The following NKAIN2 variants were observed in gnomAD, a reference collection of about 807,000 sequenced individuals.
The protein encoded by NKAIN2 is sodium/potassium-transporting ATPase subunit beta-1-interacting protein 2.
In NKAIN2, 14 loss-of-function variants were observed where a neutral mutation model predicts 32.6. The observed-to-expected ratio is 0.43, with a 90% CI of 0.28 to 0.67. NKAIN2 has a LOEUF of 0.67. Ranked by LOEUF, NKAIN2 falls within the 30% of genes least tolerant of loss-of-function variation. NKAIN2 has a pLI of 0.17. For synonymous variants in NKAIN2, 80 were observed against 87.2 expected, an observed-to-expected ratio of 0.92 and a Z score of 0.46; for missense variants, 198 against 258.3, an observed-to-expected ratio of 0.77 and a Z score of 1.60.
intron 3 of NKAIN2, among the ~76,000 whole-genome samples, chr6:124,574,738 A>G (rs890904701): frequency 1.3e-5 from 2 of 152,224 alleles, no homozygotes; most frequent in Non-Finnish European, 2.9e-5. Context: ...TGCAAGTGCC[A>G]TCTTGGGCTA....
intron 1 of NKAIN2, among the ~76,000 whole-genome samples, chr6:123,823,679 G>A (rs1774019429): frequency 6.6e-6 from 1 of 152,128 alleles, no homozygotes; most frequent in African/African-American, 2.4e-5. Context: ...CCACTCAGGG[G>A]ATTTGAAGAG....
intron 4 of NKAIN2, among the ~76,000 whole-genome samples, chr6:124,701,049 T>C (rs1774755547): frequency 1.3e-5 from 2 of 151,498 alleles, no homozygotes; most frequent in Admixed American, 6.6e-5. Context: ...AAAACTAAGC[T>C]TATTATAAAA....
chr6:123,986,532 G>T (rs1394127569), intron 1 of NKAIN2, among the ~76,000 whole-genome samples: 1 of 152,028 alleles, frequency 6.6e-6, no homozygotes, highest in East Asian at 1.9e-4. Context: ...TCCTTCCAAA[G>T]GTATGAGCCG....
chr6:124,128,018 G>A (rs1786269866), intron 1 of NKAIN2, among the ~76,000 whole-genome samples: 1 of 152,074 alleles, frequency 6.6e-6, no homozygotes, highest in Non-Finnish European at 1.5e-5. Context: ...TTGTAGAGAT[G>A]GGGCTTCACC....
At chr6:124,049,152 A>G (rs1782281704) in intron 1 of NKAIN2, among the ~76,000 whole-genome samples, 1 of 152,100 alleles carries the variant, frequency 6.6e-6, no homozygotes, top group Non-Finnish European at 1.5e-5. Context: ...GGAAATTCCA[A>G]TATTTAAAAT....
chr6:124,226,561 C>A (rs1340193367), intron 1 of NKAIN2, among the ~76,000 whole-genome samples: 1 of 151,976 alleles, frequency 6.6e-6, no homozygotes, highest in Non-Finnish European at 1.5e-5. Flanking sequence ...AAATTTAAAT[C>A]TTGGCCATGT....
chr6:124,770,834 AGC>A (rs1778719022), intron 4 of NKAIN2, among the ~76,000 whole-genome samples: 1 of 152,154 alleles, frequency 6.6e-6, no homozygotes, highest in South Asian at 2.1e-4. Context: ...CCCTCATGAG[AGC>A]TTTCTTTCCA....
chr6:124,049,809 G>A (rs1449889496), intron 1 of NKAIN2, among the ~76,000 whole-genome samples: 1 of 151,942 alleles, frequency 6.6e-6, no homozygotes, highest in Non-Finnish European at 1.5e-5. Context: ...TGGAGTGCAG[G>A]TGCAAGTACT....
At chr6:124,662,046 T>A (rs1271985817) in intron 4 of NKAIN2, among the ~76,000 whole-genome samples, 1 of 152,202 alleles carries the variant, frequency 6.6e-6, no homozygotes, top group Non-Finnish European at 1.5e-5. Context: ...ATGAACATGC[T>A]GTCATAGCAA....
chr6:124,430,029 G>C (rs1775148295), intron 3 of NKAIN2, among the ~76,000 whole-genome samples: 1 of 152,060 alleles, frequency 6.6e-6, no homozygotes, highest in African/African-American at 2.4e-5. Context: ...GATTTCAAAG[G>C]AAAGAGCTGT....
At chr6:124,796,344 C>T (rs1488183293) in intron 5 of NKAIN2, among the ~76,000 whole-genome samples, 1 of 152,132 alleles carries the variant, frequency 6.6e-6, no homozygotes, top group African/African-American at 2.4e-5. Flanking sequence ...ACCTTCATTA[C>T]CTCTTCAAAG....
intron 3 of NKAIN2, among the ~76,000 whole-genome samples, chr6:124,472,237 G>A (rs1777004194): frequency 6.6e-6 from 1 of 152,068 alleles, no homozygotes; most frequent in Admixed American, 6.6e-5. Flanking sequence ...TGAATTTTTG[G>A]AAAAATATCT....
intron 1 of NKAIN2, among the ~76,000 whole-genome samples, chr6:124,177,119 A>G (rs1789195567): frequency 6.6e-6 from 1 of 152,154 alleles, no homozygotes; most frequent in Non-Finnish European, 1.5e-5. Context: ...TGAAAATTTG[A>G]CAAACCCTTG....
chr6:124,083,403 C>T (rs1421617024), intron 1 of NKAIN2, among the ~76,000 whole-genome samples: 3 of 151,754 alleles, frequency 2.0e-5, no homozygotes, highest in Non-Finnish European at 4.4e-5. Flanking sequence ...CTTTTTTAAA[C>T]ATAAAAAAGT....
chr6:124,312,459 G>A (rs1284141658), intron 2 of NKAIN2, among the ~76,000 whole-genome samples: 1 of 152,160 alleles, frequency 6.6e-6, no homozygotes, highest in Non-Finnish European at 1.5e-5. Flanking sequence ...CCCTCTTTGG[G>A]TTAGATTAAC....
intron 4 of NKAIN2, among the ~76,000 whole-genome samples, chr6:124,744,838 T>C (rs1320480548): frequency 6.6e-6 from 1 of 151,884 alleles, no homozygotes; most frequent in Non-Finnish European, 1.5e-5. Flanking sequence ...AAGAGATAGA[T>C]GCTGTCCATT....
rs757201759 is a variant in NKAIN2 at position 124,355,328 on chromosome 6, AG to A, written c.256del (p.Ala86LeufsTer12). On this transcript the variant is annotated frameshift_variant, in exon 3 of 7. Transcript: ENST00000368417. LOFTEE classifies it high-confidence loss of function. Reference sequence around the variant, plus strand: ...GTGTTTGTTATCTGCTTCTATTTGGAGGCTGGGGACCTCTCAAAGGTAATTT... The same window carrying A: ...GTGTTTGTTATCTGCTTCTATTTGGAGCTGGGGACCTCTCAAAGGTAATTT... ...WNVFVICFYL[E>X]AGDLSKETDL... is the part of the protein sequence containing the mutation. 1 of 1,606,886 alleles carries A rather than the reference AG, an allele frequency of 6.2e-7. No individual in the cohort carries two copies.
intron 1 of NKAIN2, among the ~76,000 whole-genome samples, chr6:123,844,014 T>G (rs1774992771): frequency 6.6e-6 from 1 of 152,150 alleles, no homozygotes; most frequent in African/African-American, 2.4e-5. Context: ...TAAGTTCCGC[T>G]TTGGAGGTTC....
intron 1 of NKAIN2, among the ~76,000 whole-genome samples, chr6:124,260,658 A>G (rs556795764): frequency 1.3e-5 from 2 of 152,132 alleles, no homozygotes; most frequent in African/African-American, 2.4e-5. Context: ...TTACTCTGAC[A>G]TGGGAAGCCA....
Sources: gnomAD v4.1 joint callset for allele counts (sites outside exome capture counted in the v4.1 genomes callset) on GRCh38, gnomAD v4.1.1 for gene constraint, MANE v1.5 for transcripts, NCBI Gene and HGNC (gene_info 2026-07-23, HGNC 2026-07-21) for gene names.